The following TAFA4 variants were observed in gnomAD, a reference collection of about 807,000 sequenced individuals.
TAFA4 encodes chemokine-like protein TAFA-4.
Under a neutral mutation model 21.1 loss-of-function variants are expected in TAFA4, and 20 were observed. The ratio of observed to expected loss-of-function variants is 0.95; its 90% CI spans 0.67 to 1.38. The LOEUF (loss-of-function observed/expected upper bound fraction) is 1.38. Among genes scored for constraint, TAFA4 ranks in the 40% most tolerant of loss-of-function variants. TAFA4 has a pLI of 0.00. For synonymous variants in TAFA4, 71 were observed against 67.4 expected (o/e 1.05, Z -0.26); for missense variants, 211 against 180.9 (o/e 1.17, Z -0.95).
At chr3:68,759,986 T>C (rs1702731085) in intron 3 of TAFA4, among the ~76,000 whole-genome samples, 1 of 152,144 alleles carries the variant, frequency 6.6e-6, no homozygotes, top group South Asian at 2.1e-4. Context: ...TTGAGACATA[T>C]TTTTTAAGTG....
At chr3:68,822,215 A>G (rs1006930898) in intron 3 of TAFA4, among the ~76,000 whole-genome samples, 1 of 152,226 alleles carries the variant, frequency 6.6e-6, no homozygotes, top group Non-Finnish European at 1.5e-5. Flanking sequence ...TTTAACGAGC[A>G]TTTGGATGCC....
intron 3 of TAFA4, among the ~76,000 whole-genome samples, chr3:68,873,469 A>G (rs1559550232): frequency 6.6e-6 from 1 of 152,004 alleles, no homozygotes; most frequent in Non-Finnish European, 1.5e-5. Flanking sequence ...CAAGTAATTC[A>G]TATTAATAGC....
intron 3 of TAFA4, among the ~76,000 whole-genome samples, chr3:68,845,557 C>T (rs1192409270): frequency 6.6e-6 from 1 of 152,162 alleles, no homozygotes; most frequent in African/African-American, 2.4e-5. Context: ...TTGATGCTGT[C>T]ATTATGATGC....
At chr3:68,846,448 C>T (rs186211129) in intron 3 of TAFA4, among the ~76,000 whole-genome samples, 2 of 152,088 alleles carry the variant, frequency 1.3e-5, no homozygotes, top group Admixed American at 1.3e-4. Context: ...GTCTTCCTTG[C>T]ATTGTGTTAG....
intron 1 of TAFA4, among the ~76,000 whole-genome samples, chr3:68,887,203 G>C (rs1158621827): frequency 2.0e-5 from 3 of 152,212 alleles, no homozygotes; most frequent in Non-Finnish European, 4.4e-5. Context: ...GAAGTAACTG[G>C]TTCTCAGTAT....
At chr3:68,815,807 T>A (rs1703961236) in intron 3 of TAFA4, among the ~76,000 whole-genome samples, 1 of 152,212 alleles carries the variant, frequency 6.6e-6, no homozygotes, top group Non-Finnish European at 1.5e-5. Flanking sequence ...AGCAATCCCA[T>A]TACTGGGTAT....
intron 3 of TAFA4, among the ~76,000 whole-genome samples, chr3:68,834,401 G>A (rs921325920): frequency 6.6e-6 from 1 of 151,972 alleles, no homozygotes; most frequent in African/African-American, 2.4e-5. Flanking sequence ...TTTATCTGTT[G>A]GTTGTAAACT....
intron 1 of TAFA4, among the ~76,000 whole-genome samples, chr3:68,907,265 G>A (rs1332109273): frequency 6.6e-6 from 1 of 152,176 alleles, no homozygotes; most frequent in Non-Finnish European, 1.5e-5. Context: ...CCAAAGAGAA[G>A]GTGGAGGCAA....
chr3:68,768,639 G>C (rs115008742), intron 3 of TAFA4, among the ~76,000 whole-genome samples: 4,319 of 152,216 alleles, frequency 0.028, 107 homozygotes, highest in Non-Finnish European at 0.038. Context: ...AAAAAAAATA[G>C]CTGCAGTGTT....
At chr3:68,824,278 T>A (rs778370781) in intron 3 of TAFA4, among the ~76,000 whole-genome samples, 9 of 152,174 alleles carry the variant, frequency 5.9e-5, no homozygotes, top group Non-Finnish European at 7.4e-5. Flanking sequence ...CCAAAATGGG[T>A]TTAACTGGGC....
intron 4 of TAFA4, among the ~76,000 whole-genome samples, chr3:68,742,353 A>G (rs1702374368): frequency 1.1e-5 from 1 of 92,802 alleles, no homozygotes; most frequent in East Asian, 1.2e-3. Flanking sequence ...AAGAAGTTAA[A>G]TTTTCTCTGC....
intron 1 of TAFA4, among the ~76,000 whole-genome samples, chr3:68,919,983 G>A (rs2090042183): frequency 6.6e-6 from 1 of 152,156 alleles, no homozygotes; most frequent in South Asian, 2.1e-4. Context: ...CCAAGAGATT[G>A]TAATTATGAG....
intron 3 of TAFA4, among the ~76,000 whole-genome samples, chr3:68,820,370 G>A (rs763746759): frequency 1.9e-4 from 29 of 152,200 alleles, no homozygotes; most frequent in African/African-American, 6.3e-4. Context: ...AGTTAATAAC[G>A]ATATATTACA....
chr3:68,808,116 T>A (rs781118592), intron 3 of TAFA4, among the ~76,000 whole-genome samples: 9 of 152,094 alleles, frequency 5.9e-5, no homozygotes, highest in Non-Finnish European at 1.3e-4. Flanking sequence ...TTGATGAAGT[T>A]GAAAATCACT....
intron 4 of TAFA4, among the ~76,000 whole-genome samples, chr3:68,742,662 A>G (rs1416224957): frequency 6.6e-6 from 1 of 152,218 alleles, no homozygotes; most frequent in African/African-American, 2.4e-5. Context: ...ATCTCAAATT[A>G]CCACTAAAGA....
intron 1 of TAFA4, among the ~76,000 whole-genome samples, chr3:68,924,463 G>A (rs1364999172): frequency 6.6e-6 from 1 of 152,214 alleles, no homozygotes; most frequent in South Asian, 2.1e-4. Context: ...AAAGGTGGCT[G>A]TCAGGAACTA....
chr3:68,820,521 A>G (rs1036572357), intron 3 of TAFA4, among the ~76,000 whole-genome samples: 2 of 152,118 alleles, frequency 1.3e-5, no homozygotes, highest in Admixed American at 6.5e-5. Flanking sequence ...CCAAAAAAAA[A>G]ATAAAAAATT....
intron 1 of TAFA4, among the ~76,000 whole-genome samples, chr3:68,907,539 A>C (rs2089915347): frequency 6.6e-6 from 1 of 152,246 alleles, no homozygotes; most frequent in African/African-American, 2.4e-5. Context: ...TGTGATACTA[A>C]CAGTGACAGC....
At chr3:68,845,598 A>C (rs1704769567) in intron 3 of TAFA4, among the ~76,000 whole-genome samples, 1 of 152,216 alleles carries the variant, frequency 6.6e-6, no homozygotes, top group Non-Finnish European at 1.5e-5. Context: ...TAGTTGATGC[A>C]GTTTCTTCAT....
Sources: gnomAD v4.1 joint callset for allele counts (sites outside exome capture counted in the v4.1 genomes callset) on GRCh38, gnomAD v4.1.1 for gene constraint, MANE v1.5 for transcripts, NCBI Gene and HGNC (gene_info 2026-07-23, HGNC 2026-07-21) for gene names.